SIPA1L2: variants seen among roughly 807,000 people sequenced by gnomAD.
SIPA1L2 encodes the protein signal induced proliferation associated 1 like 2, also known as signal-induced proliferation-associated 1-like protein 2.
In SIPA1L2, 56 loss-of-function variants were observed where a neutral mutation model predicts 163.9. The ratio of observed to expected loss-of-function variants is 0.34; its 90% CI spans 0.28 to 0.43. SIPA1L2 has a LOEUF of 0.43. SIPA1L2 is among the 20% of genes least tolerant of loss of function. SIPA1L2 has a pLI of 1.00. For missense variants in SIPA1L2, 1,974 were observed against 2,193.5 expected, an observed-to-expected ratio of 0.90 and a Z score of 2.00; for synonymous variants, 877 against 865.7, an observed-to-expected ratio of 1.01 and a Z score of -0.23.
chr1:232,550,060 A>G (rs1321536879), intron 2 of SIPA1L2, among the ~76,000 whole-genome samples: 1 of 152,206 alleles, frequency 6.6e-6, no homozygotes, highest in Admixed American at 6.5e-5. Context: ...ATAAGACAGA[A>G]CTCAGAATTT....
At chr1:232,539,976 G>A (rs10910552) in intron 2 of SIPA1L2, among the ~76,000 whole-genome samples, 27,703 of 152,096 alleles carry the variant, frequency 0.18, 2,611 homozygotes, top group East Asian at 0.3. Context: ...CCTGTATAGC[G>A]TGTAAAATAG....
At chr1:232,530,196 C>A (rs1296060101) in intron 2 of SIPA1L2, among the ~76,000 whole-genome samples, 1 of 121,104 alleles carries the variant, frequency 8.3e-6, no homozygotes, top group Admixed American at 8.5e-5. Context: ...CTCACTGCAA[C>A]CTCCACCTCC....
At chr1:232,564,234 TCGTGTGTGTGTGTGTGTGTGTGTG>T (rs1659253817) in intron 2 of SIPA1L2, among the ~76,000 whole-genome samples, 1 of 45,554 alleles carries the variant, frequency 2.2e-5, no homozygotes, top group Non-Finnish European at 3.6e-5. Context: ...TTTTTTTTTT[TCGTGTGTGTGTGTGTGTGTGTGTG>T]TGTGTGTGTG....
chr1:232,503,802 CCTTT>C (rs913581825), intron 3 of SIPA1L2, among the ~76,000 whole-genome samples: 10 of 152,354 alleles, frequency 6.6e-5, no homozygotes, highest in African/African-American at 2.2e-4. Context: ...TCTTCTTTCA[CCTTT>C]CTCTCCAAAC....
intron 5 of SIPA1L2, among the ~76,000 whole-genome samples, chr1:232,484,992 A>G (rs1665573244): frequency 6.6e-6 from 1 of 152,228 alleles, no homozygotes; most frequent in South Asian, 2.1e-4. Context: ...CAGCAAAGTG[A>G]TGACAGCAGT....
intron 3 of SIPA1L2, 80 bp from the exon 4 acceptor site, chr1:232,493,740 T>A: frequency 6.5e-7 from 1 of 1,540,190 alleles, no homozygotes; most frequent in South Asian, 1.2e-5. Flanking sequence ...AGTTTGTGTA[T>A]CAAATCTCTG....
At chr1:232,546,655 G>A (rs1479675181) in intron 2 of SIPA1L2, among the ~76,000 whole-genome samples, 1 of 152,256 alleles carries the variant, frequency 6.6e-6, no homozygotes, top group East Asian at 1.9e-4. Flanking sequence ...TCCGTCCATC[G>A]ACTAAATGTC....
chr1:232,399,964 G>C (rs1660235063), intron 22 of SIPA1L2, among the ~76,000 whole-genome samples: 1 of 152,092 alleles, frequency 6.6e-6, no homozygotes, highest in Non-Finnish European at 1.5e-5. Flanking sequence ...GCCACCACAT[G>C]CCACCCCCAG....
intron 2 of SIPA1L2, among the ~76,000 whole-genome samples, chr1:232,559,002 A>G (rs1238589897): frequency 1.3e-5 from 2 of 152,204 alleles, no homozygotes; most frequent in Non-Finnish European, 2.9e-5. Flanking sequence ...CAAGGCTACC[A>G]TGATATAAAA....
At chr1:232,495,876 AAT>A (rs1385373066) in intron 3 of SIPA1L2, among the ~76,000 whole-genome samples, 1 of 152,238 alleles carries the variant, frequency 6.6e-6, no homozygotes, top group African/African-American at 2.4e-5. Context: ...AATGAGAAAT[AAT>A]AGATACAAAG....
intron 1 of SIPA1L2, among the ~76,000 whole-genome samples, chr1:232,611,736 A>T (rs1280917638): frequency 6.6e-6 from 1 of 152,220 alleles, no homozygotes; most frequent in Non-Finnish European, 1.5e-5. Context: ...AGGAAAGCAG[A>T]TCATAAAAGT....
At position 232,564,153 on chromosome 1, in the gene SIPA1L2, T is replaced by TC. The variant is rs1226227638; in HGVS notation, c.-270+10020_-270+10021insG. Among the ~76,000 whole-genome samples, 3 of 19,032 alleles carry TC rather than the reference T, an allele frequency of 1.6e-4. 1 individual carries two copies. The highest frequency in any genetic ancestry group is 7.2e-4 in the African/African-American group (3 of 4,152). 12.5% of individuals were successfully genotyped at this position (19,032 alleles called of 152,430 possible). On this transcript the variant is annotated intron_variant, in intron 2 of 22. Transcript: ENST00000674635. Reference sequence around the variant, plus strand: ...AAGGTTGTTTTTTTTTTTTTTCGTGTGTGTGTGTGTGTGTGTGTGTGTGTG... The same window carrying TC: ...AAGGTTGTTTTTTTTTTTTTTCGTGTCGTGTGTGTGTGTGTGTGTGTGTGTG...
Position 232,514,620 on chromosome 1 carries a change from G to A in SIPA1L2, c.720C>T (p.Ile240=), listed in dbSNP as rs770382188. 1.9e-6 allele frequency: 3 copies of A among 1,614,228 alleles called. No individual in the cohort carries two copies. In the East Asian group the frequency reaches 6.7e-5, roughly 36 times the overall value. The change falls in exon 3 of 23, where the codon ATC becomes ATT. Residue 240 remains isoleucine, a synonymous_variant. Coordinates refer to ENST00000674635, the MANE Select transcript of SIPA1L2 (RefSeq NM_020808.5). The part of the protein sequence containing the change: ...FPEFFRCDPA[I]SPSLHAAAQI... ...GTGCTGCTGCATGAAGGCTCGGAGA[G>A]ATTGCAGGGTCACAGCGGAAAAATT...
In SIPA1L2 at chr1:232,464,848, G is replaced by A; in HGVS notation, c.2812C>T (p.Arg938Ter). ...CAEDIREIVQ[R>*]LVIVTRGCET... Reference sequence around the variant, plus strand: ...AGAAAACATGTACTTACTACTAATCGCTGAACAATTTCCCTGATGTCTTCA... The same window carrying A: ...AGAAAACATGTACTTACTACTAATCACTGAACAATTTCCCTGATGTCTTCA... Residue 938 changes from arginine to a stop codon, truncating the protein, a stop_gained, in exon 9 of 23, where the codon CGA (arginine) becomes TGA (stop). Coordinates refer to ENST00000674635, the MANE Select transcript of SIPA1L2 (RefSeq NM_020808.5). LOFTEE classifies it high-confidence loss of function. 3 of 1,597,516 alleles carry A rather than the reference G, an allele frequency of 1.9e-6. No homozygotes were observed. The highest frequency in any genetic ancestry group is 1.7e-6 in the Non-Finnish European group (2 of 1,172,230).
chr1:232,436,441 G>C (rs1234856204), intron 15 of SIPA1L2, among the ~76,000 whole-genome samples: 1 of 152,122 alleles, frequency 6.6e-6, no homozygotes, highest in Non-Finnish European at 1.5e-5. Flanking sequence ...CAGAAGTGTG[G>C]GTTTAGGCAG....
intron 15 of SIPA1L2, among the ~76,000 whole-genome samples, chr1:232,436,721 T>C (rs1187550009): frequency 6.6e-6 from 1 of 152,150 alleles, no homozygotes; most frequent in Non-Finnish European, 1.5e-5. Context: ...TCACCTGCCT[T>C]TCACTCAACA....
At chr1:232,520,044 A>G (rs978068671) in intron 2 of SIPA1L2, among the ~76,000 whole-genome samples, 3 of 152,202 alleles carry the variant, frequency 2.0e-5, no homozygotes, top group Non-Finnish European at 4.4e-5. Flanking sequence ...TAATTTCCTA[A>G]ACCTAGATTC....
At chr1:232,452,867 T>C (rs916728074) in intron 10 of SIPA1L2, among the ~76,000 whole-genome samples, 4 of 152,148 alleles carry the variant, frequency 2.6e-5, no homozygotes, top group African/African-American at 9.7e-5. Flanking sequence ...CAGCAGAGGG[T>C]GCATCAAGAT....
chr1:232,457,598 A>G (rs1328649612), intron 10 of SIPA1L2, among the ~76,000 whole-genome samples: 1 of 152,216 alleles, frequency 6.6e-6, no homozygotes, highest in Admixed American at 6.5e-5. Context: ...AGTCAAATGT[A>G]TAGCTTTAGC....
Sources: allele counts gnomAD v4.1 joint callset (sites outside exome capture counted in the v4.1 genomes callset), GRCh38; gene constraint gnomAD v4.1.1; transcripts MANE v1.5; gene names NCBI Gene and HGNC (gene_info 2026-07-23, HGNC 2026-07-21).